Variants in DCC observed in about 807,000 individuals in gnomAD.
The protein encoded by DCC is DCC netrin 1 receptor.
In DCC, 58 loss-of-function variants were observed where a neutral mutation model predicts 172.5. The ratio of observed to expected loss-of-function variants is 0.34; its 90% CI spans 0.27 to 0.42. The LOEUF (loss-of-function observed/expected upper bound fraction) is 0.42. Among genes scored for constraint, DCC ranks in the 10% least tolerant of loss-of-function variants. The probability of loss-of-function intolerance (pLI) is 1.00; values close to 1 mark genes in which losing one functional copy is unlikely to be tolerated. For synonymous variants in DCC, 709 were observed against 644.5 expected (o/e 1.10, Z -1.52); for missense variants, 1,740 against 1,791.0 (o/e 0.97, Z 0.51).
At chr18:53,354,024 G>T (rs1410327018) in intron 15 of DCC, among the ~76,000 whole-genome samples, 2 of 152,076 alleles carry the variant, frequency 1.3e-5, no homozygotes, top group African/African-American at 4.8e-5. Flanking sequence ...TTGGTTTTCT[G>T]TCCTTGCGAT....
chr18:53,428,328 T>TATATAG (rs1568125793), intron 21 of DCC, among the ~76,000 whole-genome samples: 3 of 68,988 alleles, frequency 4.3e-5, no homozygotes, highest in African/African-American at 1.5e-4. Flanking sequence ...TAATATAATA[T>TATATAG]AATATATTGT....
intron 5 of DCC, among the ~76,000 whole-genome samples, chr18:53,007,031 G>A (rs917878917): frequency 7.9e-5 from 12 of 152,162 alleles, no homozygotes; most frequent in Non-Finnish European, 1.5e-4. Flanking sequence ...AACCAAATCT[G>A]TAAGAATGCC....
chr18:53,217,128 G>C (rs1284138727), intron 12 of DCC, among the ~76,000 whole-genome samples: 1 of 151,954 alleles, frequency 6.6e-6, no homozygotes, highest in East Asian at 1.9e-4. Context: ...GTGTACTCCA[G>C]GAAAAGATGA....
intron 7 of DCC, among the ~76,000 whole-genome samples, chr18:53,120,895 C>G (rs976754490): frequency 6.6e-6 from 1 of 151,692 alleles, no homozygotes; most frequent in African/African-American, 2.4e-5. Context: ...AAGTGTTACT[C>G]CAGGGCAGGG....
At chr18:52,870,734 G>A (rs1372494803) in intron 2 of DCC, among the ~76,000 whole-genome samples, 1 of 130,652 alleles carries the variant, frequency 7.7e-6, no homozygotes, top group Non-Finnish European at 1.5e-5. Context: ...GACAGCTTAG[G>A]TTCACTATGA....
intron 26 of DCC, among the ~76,000 whole-genome samples, chr18:53,498,296 G>A (rs976475884): frequency 4.6e-5 from 7 of 151,994 alleles, no homozygotes; most frequent in Non-Finnish European, 1.0e-4. Context: ...ATATTTCCTG[G>A]TTAAAAATTC....
intron 12 of DCC, among the ~76,000 whole-genome samples, chr18:53,297,066 T>C (rs183238490): frequency 5.3e-5 from 8 of 152,294 alleles, no homozygotes; most frequent in Non-Finnish European, 5.9e-5. Flanking sequence ...GATGTGGAGT[T>C]AAAAATATGA....
At chr18:53,364,952 C>G (rs2057987109) in intron 15 of DCC, among the ~76,000 whole-genome samples, 1 of 152,100 alleles carries the variant, frequency 6.6e-6, no homozygotes. Context: ...AAATTTTTTC[C>G]TATGTTAAAT....
At chr18:52,909,835 C>G (rs1483497097) in intron 3 of DCC, among the ~76,000 whole-genome samples, 1 of 152,106 alleles carries the variant, frequency 6.6e-6, no homozygotes, top group Non-Finnish European at 1.5e-5. Context: ...ATAGACAAAG[C>G]AAGTAGGCTG....
intron 1 of DCC, among the ~76,000 whole-genome samples, chr18:52,500,024 A>T (rs1393261610): frequency 1.3e-5 from 2 of 152,084 alleles, no homozygotes; most frequent in African/African-American, 2.4e-5. Flanking sequence ...ATTCTTCTAT[A>T]GTCTTAATAT....
intron 1 of DCC, among the ~76,000 whole-genome samples, chr18:52,399,198 T>A (rs1207514163): frequency 6.6e-6 from 1 of 151,886 alleles, no homozygotes; most frequent in Non-Finnish European, 1.5e-5. Context: ...AAATATATAG[T>A]GTTTTTTTGT....
intron 12 of DCC, among the ~76,000 whole-genome samples, chr18:53,234,469 A>T (rs1288737402): frequency 3.3e-5 from 5 of 152,004 alleles, no homozygotes; most frequent in African/African-American, 1.2e-4. Flanking sequence ...AATATTGGCC[A>T]GTCAGGTTTT....
chr18:53,271,916 G>C (rs1439990697), intron 12 of DCC, among the ~76,000 whole-genome samples: 1 of 152,122 alleles, frequency 6.6e-6, no homozygotes, highest in Non-Finnish European at 1.5e-5. Context: ...TATTTTTATA[G>C]TTAATAGATA....
At chr18:53,166,438 A>G (rs1220471768) in intron 8 of DCC, among the ~76,000 whole-genome samples, 1 of 152,152 alleles carries the variant, frequency 6.6e-6, no homozygotes, top group Non-Finnish European at 1.5e-5. Flanking sequence ...CTACAGCTAG[A>G]GAAGGTTAAG....
chr18:53,203,413 A>C (rs1456817403), intron 9 of DCC, among the ~76,000 whole-genome samples: 1 of 152,052 alleles, frequency 6.6e-6, no homozygotes, highest in Admixed American at 6.6e-5. Flanking sequence ...GAAGGAAAAA[A>C]AACACAGTAA....
At chr18:53,431,439 G>A (rs369616913) in intron 21 of DCC, among the ~76,000 whole-genome samples, 4 of 151,206 alleles carry the variant, frequency 2.6e-5, no homozygotes, top group African/African-American at 9.7e-5. Context: ...TTTATATCCT[G>A]TAGAATTATA....
intron 7 of DCC, among the ~76,000 whole-genome samples, chr18:53,095,792 CTTT>C (rs71175552): frequency 1.4e-4 from 18 of 126,212 alleles, no homozygotes; most frequent in Admixed American, 1.6e-4. Context: ...ATATGGATAT[CTTT>C]TTTTTTTTTT....
At chr18:52,906,943 A>G (rs1176372477) in intron 3 of DCC, among the ~76,000 whole-genome samples, 1 of 151,954 alleles carries the variant, frequency 6.6e-6, no homozygotes, top group African/African-American at 2.4e-5. Context: ...AGTGCCAGAC[A>G]GAAAATGTGG....
At chr18:53,470,735 G>GAA (rs1038009862) in intron 25 of DCC, among the ~76,000 whole-genome samples, 24 of 151,852 alleles carry the variant, frequency 1.6e-4, no homozygotes, top group African/African-American at 3.4e-4. Flanking sequence ...GAGAGAGAGA[G>GAA]AAAAAACGAA....
Sources: gnomAD v4.1 joint callset for allele counts (sites outside exome capture counted in the v4.1 genomes callset) on GRCh38, gnomAD v4.1.1 for gene constraint, MANE v1.5 for transcripts, NCBI Gene and HGNC (gene_info 2026-07-23, HGNC 2026-07-21) for gene names.